The following METTL15 variants were observed in gnomAD, a reference collection of about 807,000 sequenced individuals.
METTL15 encodes the protein methyltransferase 15, mitochondrial 12S rRNA N4-cytidine.
A neutral mutation model predicts 38.3 loss-of-function variants in METTL15; 34 were observed. The ratio of observed to expected loss-of-function variants is 0.89; its 90% CI spans 0.68 to 1.18. The LOEUF (loss-of-function observed/expected upper bound fraction) is 1.18, where lower values mean the gene tolerates loss of function less well. Ranked by LOEUF, METTL15 falls within the 50% of genes most tolerant of loss-of-function variation. The pLI, the probability that METTL15 is intolerant of heterozygous loss-of-function variation, is 0.00. For synonymous variants in METTL15, 162 were observed against 170.9 expected (o/e 0.95, Z 0.41); for missense variants, 438 against 498.4 (o/e 0.88, Z 1.15).
intron 5 of METTL15, among the ~76,000 whole-genome samples, chr11:28,294,567 G>T (rs959970645): frequency 6.6e-6 from 1 of 152,158 alleles, no homozygotes; most frequent in African/African-American, 2.4e-5. Flanking sequence ...TGAGAGTCTA[G>T]TTCTGTTGGC....
intron 5 of METTL15, among the ~76,000 whole-genome samples, chr11:28,415,939 C>G (rs902256348): frequency 1.3e-5 from 2 of 151,992 alleles, no homozygotes; most frequent in Admixed American, 6.6e-5. Flanking sequence ...TTTGTGGGGC[C>G]TGAGATAAAA....
At chr11:28,416,225 G>A (rs1043358323) in intron 5 of METTL15, among the ~76,000 whole-genome samples, 5 of 152,200 alleles carry the variant, frequency 3.3e-5, no homozygotes, top group Admixed American at 2.6e-4. Flanking sequence ...GTGTGCCTGT[G>A]TGTGCAGACT....
chr11:28,354,866 A>G (rs1470363331), intron 4 of METTL15, among the ~76,000 whole-genome samples: 1 of 152,204 alleles, frequency 6.6e-6, no homozygotes, highest in Non-Finnish European at 1.5e-5. Flanking sequence ...TGTTTAGAGA[A>G]TCACTATGGA....
At chr11:28,403,821 C>G (rs749281595) in intron 5 of METTL15, among the ~76,000 whole-genome samples, 2 of 151,944 alleles carry the variant, frequency 1.3e-5, no homozygotes, top group East Asian at 3.9e-4. Flanking sequence ...GGACATTTTT[C>G]TTGCAAGTTT....
chr11:28,432,929 AT>A (rs11373492), intron 6 of METTL15, among the ~76,000 whole-genome samples: 12 of 146,890 alleles, frequency 8.2e-5, no homozygotes, highest in Admixed American at 1.4e-4. Flanking sequence ...TTTTTTCCAC[AT>A]TTTTTTTTTT....
At chr11:28,119,909 T>A (rs1398205919) in intron 3 of METTL15, among the ~76,000 whole-genome samples, 1 of 152,208 alleles carries the variant, frequency 6.6e-6, no homozygotes, top group Non-Finnish European at 1.5e-5. Context: ...AGAGAAACTT[T>A]TCTAAGGAAT....
At chr11:28,246,405 A>G (rs1854514935) in intron 4 of METTL15, among the ~76,000 whole-genome samples, 1 of 152,160 alleles carries the variant, frequency 6.6e-6, no homozygotes. Context: ...CCCTAACTAC[A>G]TAATAAATGG....
At chr11:28,307,884 T>C (rs1254397843) in intron 6 of METTL15, among the ~76,000 whole-genome samples, 1 of 152,038 alleles carries the variant, frequency 6.6e-6, no homozygotes, top group Non-Finnish European at 1.5e-5. Context: ...TGATTTCTTA[T>C]AATATTTTCA....
chr11:28,220,842 A>C (rs1468083914), intron 4 of METTL15, among the ~76,000 whole-genome samples: 2 of 152,144 alleles, frequency 1.3e-5, no homozygotes, highest in Non-Finnish European at 2.9e-5. Flanking sequence ...GCTGGATATG[A>C]AATTCTGGAT....
At chr11:28,140,009 C>T (rs1849644521) in intron 3 of METTL15, among the ~76,000 whole-genome samples, 2 of 152,244 alleles carry the variant, frequency 1.3e-5, no homozygotes, top group East Asian at 3.9e-4. Flanking sequence ...TCATTCCTGC[C>T]CCATGTGGCT....
intron 3 of METTL15, among the ~76,000 whole-genome samples, chr11:28,159,124 C>G (rs909923460): frequency 6.6e-6 from 1 of 152,060 alleles, no homozygotes. Flanking sequence ...CCAGGAGACA[C>G]AAAAATTCCA....
chr11:28,442,317 GA>G (rs1851041647), intron 6 of METTL15, among the ~76,000 whole-genome samples: 1 of 152,200 alleles, frequency 6.6e-6, no homozygotes, highest in Admixed American at 6.5e-5. Flanking sequence ...CATATTTCCT[GA>G]AGGGTGATGG....
At chr11:28,428,758 A>G (rs1186953219) in intron 6 of METTL15, among the ~76,000 whole-genome samples, 1 of 152,064 alleles carries the variant, frequency 6.6e-6, no homozygotes, top group Non-Finnish European at 1.5e-5. Flanking sequence ...ACATCTCCAA[A>G]TTCCTGAGCT....
At chr11:28,513,460 G>A (rs757269964) in intron 6 of METTL15, among the ~76,000 whole-genome samples, 42 of 152,320 alleles carry the variant, frequency 2.8e-4, no homozygotes, top group Middle Eastern at 3.4e-3. Context: ...TGGTGAGTTG[G>A]TAGAGTAGAG....
Position 28,110,282 on chromosome 11 carries a change from G to C in METTL15, c.-137G>C, listed in dbSNP as rs1054998144. 6.6e-6 allele frequency: 1 copy of C among 152,218 alleles called. No individual in the cohort carries two copies. The allele number at this position is 152,218 out of a possible 1,614,324, so 9.4% of individuals were successfully genotyped here. The stretch of plus-strand genomic sequence containing the variant: ...GGGCGGACGTGGACCCAATCTGTCC[G>C]TCCTTACAAGTTTCCCCCAGGGGCA... On this transcript the variant is annotated 5_prime_UTR_variant, in exon 2 of 7. Transcript: ENST00000407364.
At chr11:28,224,903 G>T (rs774510889) in intron 4 of METTL15, among the ~76,000 whole-genome samples, 2 of 151,156 alleles carry the variant, frequency 1.3e-5, no homozygotes, top group Non-Finnish European at 3.0e-5. Flanking sequence ...ATATATATTT[G>T]ATTTTGCCTC....
chr11:28,383,717 T>G (rs56017217), intron 5 of METTL15, among the ~76,000 whole-genome samples: 2 of 152,174 alleles, frequency 1.3e-5, no homozygotes, highest in Non-Finnish European at 2.9e-5. Flanking sequence ...TGTTTAGTGA[T>G]GTTGAGCATT....
intron 3 of METTL15, among the ~76,000 whole-genome samples, chr11:28,194,136 C>CTTTCTTTCTTTCTTTG (rs1851807343): frequency 8.8e-6 from 1 of 113,354 alleles, no homozygotes; most frequent in Admixed American, 9.7e-5. Flanking sequence ...TTCTTTCTTT[C>CTTTCTTTCTTTCTTTG]TTTCTTTCTT....
chr11:28,126,368 C>G (rs1279842264), intron 3 of METTL15, among the ~76,000 whole-genome samples: 1 of 152,016 alleles, frequency 6.6e-6, no homozygotes, highest in Non-Finnish European at 1.5e-5. Flanking sequence ...TCCCCCAACT[C>G]CCTTCTCTAC....
Sources: gnomAD v4.1 joint callset for allele counts (sites outside exome capture counted in the v4.1 genomes callset) on GRCh38, gnomAD v4.1.1 for gene constraint, MANE v1.5 for transcripts, NCBI Gene and HGNC (gene_info 2026-07-23, HGNC 2026-07-21) for gene names.